STK24: variants seen among roughly 807,000 people sequenced by gnomAD.
The protein encoded by STK24 is serine/threonine-protein kinase 24.
STK24 carries 21 observed loss-of-function variants against 55.6 expected under a neutral mutation model. That is an observed-to-expected ratio of 0.38 (90% CI 0.27 to 0.54). STK24 has a LOEUF of 0.54. Among genes scored for constraint, STK24 ranks in the 20% least tolerant of loss-of-function variants. The pLI is 0.79. For synonymous variants in STK24, 200 were observed against 215.2 expected, an observed-to-expected ratio of 0.93 and a Z score of 0.62; for missense variants, 383 against 538.4, an observed-to-expected ratio of 0.71 and a Z score of 2.86.
chr13:98,481,889 A>AAAC (rs753407168), intron 3 of STK24, among the ~76,000 whole-genome samples: 89 of 151,964 alleles, frequency 5.9e-4, no homozygotes, highest in African/African-American at 9.4e-4. Context: ...TTCTACCCAA[A>AAAC]AACAACAACA....
At chr13:98,495,141 T>A (rs1307810654) in intron 2 of STK24, among the ~76,000 whole-genome samples, 1 of 152,220 alleles carries the variant, frequency 6.6e-6, no homozygotes, top group South Asian at 2.1e-4. Context: ...CGCAGCCCAC[T>A]TTCCTTATTT....
At chr13:98,562,355 G>A (rs1348883713) in intron 1 of STK24, among the ~76,000 whole-genome samples, 2 of 152,082 alleles carry the variant, frequency 1.3e-5, no homozygotes, top group Non-Finnish European at 2.9e-5. Context: ...GACCATGTAC[G>A]CATAACGGGG....
intron 2 of STK24, among the ~76,000 whole-genome samples, chr13:98,496,449 C>T (rs1193223610): frequency 6.6e-6 from 1 of 152,172 alleles, no homozygotes; most frequent in Non-Finnish European, 1.5e-5. Context: ...AAGTCCCCAG[C>T]GTCACTGGGC....
At chr13:98,471,417 G>A (rs1251927397) in intron 5 of STK24, among the ~76,000 whole-genome samples, 1 of 152,208 alleles carries the variant, frequency 6.6e-6, no homozygotes, top group Non-Finnish European at 1.5e-5. Context: ...TTCAGCCCAA[G>A]ACCTTTCTCT....
In STK24 at chr13:98,462,034, G is replaced by A. The variant is rs1893728913; in HGVS notation, c.930-137C>T. ...CCAAGTCCCCACCCATCACACCCTT[G>A]TCCAGTCCCTCTGGGATTTCCCAAA... is the stretch of plus-strand genomic sequence containing the variant. On this transcript the variant is annotated intron_variant, in intron 7 of 10. Coordinates refer to ENST00000539966, the MANE Select transcript of STK24 (RefSeq NM_001032296.4). 7 of 1,054,390 alleles carry A rather than the reference G, an allele frequency of 6.6e-6. No individual in the cohort carries two copies. In the South Asian group the frequency reaches 9.2e-5, roughly 14 times the overall value. The allele number at this position is 1,054,390 out of a possible 1,614,324, so 65.3% of individuals were successfully genotyped here.
At chr13:98,485,809 C>T (rs758315499) in intron 2 of STK24, among the ~76,000 whole-genome samples, 1 of 152,216 alleles carries the variant, frequency 6.6e-6, no homozygotes, top group Admixed American at 6.5e-5. Flanking sequence ...CGCTGAAGGT[C>T]GGCCCGGGGG....
In STK24 at chr13:98,483,628, G is replaced by A. The variant is rs533946173; in HGVS notation, c.274-1307C>T. The stretch of plus-strand genomic sequence containing the variant: ...TGCTTCACTTGTCTTCCCTCCCCAC[G>A]CCCTGGGCAAACTTTACTTTTATTA... On this transcript the variant is annotated intron_variant, in intron 2 of 10. Transcript: ENST00000539966. Among the ~76,000 whole-genome samples the A allele has an allele frequency of 7.9e-5, 12 of 152,168 alleles. No homozygotes were observed. The South Asian group carries it at 1.2e-3, about 16-fold the overall frequency.
chr13:98,552,947 C>T (rs9517346), intron 1 of STK24, among the ~76,000 whole-genome samples: 4 of 151,872 alleles, frequency 2.6e-5, no homozygotes, highest in African/African-American at 9.7e-5. Context: ...GTGAGCTCCA[C>T]CGTCAGCGAT....
At chr13:98,487,991 T>C (rs1352913944) in intron 2 of STK24, among the ~76,000 whole-genome samples, 3 of 152,118 alleles carry the variant, frequency 2.0e-5, no homozygotes, top group Non-Finnish European at 4.4e-5. Context: ...TTTTGGTCAT[T>C]TTTATGGACT....
At chr13:98,549,956 G>A (rs1045558463) in intron 1 of STK24, among the ~76,000 whole-genome samples, 3 of 152,174 alleles carry the variant, frequency 2.0e-5, no homozygotes, top group Admixed American at 6.5e-5. Flanking sequence ...ACTATGCCTG[G>A]TGTAACCTCA....
intron 1 of STK24, among the ~76,000 whole-genome samples, chr13:98,541,844 G>T (rs1357715240): frequency 1.3e-5 from 2 of 152,178 alleles, no homozygotes; most frequent in African/African-American, 4.8e-5. Flanking sequence ...GAAGCCCGGG[G>T]GTTAGCAGGG....
chr13:98,568,348 G>T (rs1471136612), intron 1 of STK24, among the ~76,000 whole-genome samples: 1 of 152,134 alleles, frequency 6.6e-6, no homozygotes, highest in South Asian at 2.1e-4. Context: ...CTCAGGAACT[G>T]ACGGCACCAG....
At chr13:98,568,559 C>G (rs1165237800) in intron 1 of STK24, among the ~76,000 whole-genome samples, 9 of 152,236 alleles carry the variant, frequency 5.9e-5, no homozygotes, top group South Asian at 4.1e-4. Context: ...GAAGCAGAGG[C>G]AGCATACTTA....
intron 2 of STK24, among the ~76,000 whole-genome samples, chr13:98,513,491 T>A (rs1895954189): frequency 1.3e-5 from 2 of 152,104 alleles, no homozygotes; most frequent in African/African-American, 4.8e-5. Context: ...CACTGTCACC[T>A]GTGCCTTCAG....
At chr13:98,575,406 T>TACACACACACAC (rs557819358) in intron 1 of STK24, among the ~76,000 whole-genome samples, 3 of 148,430 alleles carry the variant, frequency 2.0e-5, no homozygotes, top group African/African-American at 7.5e-5. Flanking sequence ...TGCTTATATA[T>TACACACACACAC]ACACACACAC....
At chr13:98,491,844 C>G (rs1361654729) in intron 2 of STK24, among the ~76,000 whole-genome samples, 1 of 151,638 alleles carries the variant, frequency 6.6e-6, no homozygotes, top group Admixed American at 6.6e-5. Flanking sequence ...TTACTATAAC[C>G]AAGGAAAAAA....
intron 1 of STK24, among the ~76,000 whole-genome samples, chr13:98,561,465 C>G (rs773542068): frequency 3.9e-5 from 6 of 151,974 alleles, no homozygotes; most frequent in Non-Finnish European, 8.8e-5. Context: ...ACCTGTAATC[C>G]TAGCTACTGG....
chr13:98,445,797 G>A lies in STK24; in HGVS notation c.*7376C>T, dbSNP rs1230092355. On this transcript the variant is annotated 3_prime_UTR_variant, in exon 11 of 11. Transcript: ENST00000539966. Reference sequence around the variant, plus strand: ...TGATCTCGTCTTCACTAGTTACCCTGCAACGAGCCTATTTCCAAATAAGCC... The same window carrying A: ...TGATCTCGTCTTCACTAGTTACCCTACAACGAGCCTATTTCCAAATAAGCC... 3 of 268,336 alleles carry A rather than the reference G, an allele frequency of 1.1e-5. No homozygotes were observed. In the East Asian group the frequency reaches 2.8e-4, roughly 25 times the overall value. 16.6% of individuals were successfully genotyped at this position (268,336 alleles called of 1,614,324 possible).
At chr13:98,521,933 T>C in intron 1 of STK24, 3 of 1,183,510 alleles carry the variant, frequency 2.5e-6, no homozygotes, top group Non-Finnish European at 3.7e-6. Context: ...GCTGGCTCTC[T>C]GCCCTTGGCA....
Sources: allele counts gnomAD v4.1 joint callset (sites outside exome capture counted in the v4.1 genomes callset), GRCh38; gene constraint gnomAD v4.1.1; transcripts MANE v1.5; gene names NCBI Gene and HGNC (gene_info 2026-07-23, HGNC 2026-07-21).